Variants in MTMR7 observed in about 807,000 individuals in gnomAD.
MTMR7 encodes the protein phosphatidylinositol-3-phosphate phosphatase MTMR7.
MTMR7 carries 76 observed loss-of-function variants against 81.2 expected under a neutral mutation model. The observed-to-expected ratio is 0.94, with a 90% CI of 0.78 to 1.13. MTMR7 has a LOEUF of 1.13. Among genes scored for constraint, MTMR7 ranks in the 50% most tolerant of loss-of-function variants. MTMR7 has a pLI of 0.00. For missense variants in MTMR7, 1,044 were observed against 820.0 expected (o/e 1.27, Z -3.34); for synonymous variants, 372 against 289.8 (o/e 1.28, Z -2.88).
chr8:17,396,019 C>G (rs895720460), intron 1 of MTMR7, among the ~76,000 whole-genome samples: 8 of 151,610 alleles, frequency 5.3e-5, no homozygotes, highest in Admixed American at 6.6e-5. Context: ...ATTAAACTAC[C>G]GGAAATAAGT....
At chr8:17,314,419 A>T (rs1328549674) in intron 7 of MTMR7, among the ~76,000 whole-genome samples, 1 of 152,140 alleles carries the variant, frequency 6.6e-6, no homozygotes, top group Middle Eastern at 3.2e-3. Context: ...CAATTTCTTC[A>T]TTTTTAAAAT....
intron 1 of MTMR7, among the ~76,000 whole-genome samples, chr8:17,411,071 G>A (rs1411555547): frequency 6.6e-6 from 1 of 152,114 alleles, no homozygotes; most frequent in Non-Finnish European, 1.5e-5. Flanking sequence ...TGCAAGCTCT[G>A]TAAGTAATGT....
At chr8:17,362,867 G>C (rs969482884) in intron 3 of MTMR7, among the ~76,000 whole-genome samples, 1 of 152,122 alleles carries the variant, frequency 6.6e-6, no homozygotes. Context: ...TGAAAACTCA[G>C]GTTTCAAACT....
At chr8:17,330,889 A>T (rs1818964409) in intron 7 of MTMR7, among the ~76,000 whole-genome samples, 1 of 152,228 alleles carries the variant, frequency 6.6e-6, no homozygotes, top group East Asian at 1.9e-4. Context: ...AAACAAAAAC[A>T]TCCCTGTGCA....
rs141097946 is a variant in MTMR7 at position 17,353,979 on chromosome 8, C to T, written c.469-4898G>A. On this transcript the variant is annotated intron_variant, in intron 4 of 13. Coordinates refer to ENST00000180173, the MANE Select transcript of MTMR7 (RefSeq NM_004686.5). Reference sequence around the variant, plus strand: ...AGTTTTTGGCCTTGAAGATTTCACACTCCCAGGACAGCTGATCTTTGTTAA... The same window carrying T: ...AGTTTTTGGCCTTGAAGATTTCACATTCCCAGGACAGCTGATCTTTGTTAA... 3.3e-5 allele frequency among the ~76,000 whole-genome samples: 5 copies of T among 152,320 alleles called. No homozygotes were observed. The East Asian group carries it at 9.7e-4, about 29-fold the overall frequency.
Position 17,297,436 on chromosome 8 carries a change from G to GTAAAC in MTMR7, c.*2421_*2425dup, listed in dbSNP as rs1011275826. The GTAAAC allele has an allele frequency of 8.6e-5, 13 of 151,740 alleles. No homozygotes were observed. The highest frequency in any genetic ancestry group is 2.9e-4 in the African/African-American group (12 of 41,516). 9.4% of individuals were successfully genotyped at this position (151,740 alleles called of 1,614,324 possible). ...TCAGATTCATTTTTAGGAGAAGAAA[G>GTAAAC]TAAACTAATGTGCTCTTAAAGAATA... On this transcript the variant is annotated 3_prime_UTR_variant, in exon 14 of 14. Coordinates refer to ENST00000180173, the MANE Select transcript of MTMR7 (RefSeq NM_004686.5).
chr8:17,375,986 C>A (rs73666127), intron 1 of MTMR7, among the ~76,000 whole-genome samples: 3,813 of 152,256 alleles, frequency 0.025, 160 homozygotes, highest in African/African-American at 0.087. Flanking sequence ...ACACTGTATA[C>A]ACTGCCACTG....
intron 1 of MTMR7, among the ~76,000 whole-genome samples, chr8:17,395,574 C>T (rs558928935): frequency 6.6e-6 from 1 of 152,310 alleles, no homozygotes; most frequent in South Asian, 2.1e-4. Flanking sequence ...CAACCTTTGC[C>T]AACACTTGTT....
At chr8:17,335,912 C>G (rs13273707) in intron 6 of MTMR7, among the ~76,000 whole-genome samples, 21,907 of 152,186 alleles carry the variant, frequency 0.14, 2,011 homozygotes, top group Non-Finnish European at 0.21. Flanking sequence ...GTGTGGACTG[C>G]TGAGGGGTTT....
chr8:17,330,003 G>C (rs148983283), intron 7 of MTMR7, among the ~76,000 whole-genome samples: 2 of 152,314 alleles, frequency 1.3e-5, no homozygotes, highest in African/African-American at 2.4e-5. Flanking sequence ...AAGACCCATA[G>C]AAAGTATTGG....
chr8:17,351,709 C>T (rs1311525124), intron 4 of MTMR7, among the ~76,000 whole-genome samples: 1 of 152,212 alleles, frequency 6.6e-6, no homozygotes, highest in African/African-American at 2.4e-5. Flanking sequence ...GAAAAAGCTC[C>T]ATGGGTCACA....
At chr8:17,321,356 G>GCTCT (rs1188198889) in intron 7 of MTMR7, among the ~76,000 whole-genome samples, 2 of 152,180 alleles carry the variant, frequency 1.3e-5, no homozygotes, top group African/African-American at 4.8e-5. Flanking sequence ...GGCTGCTGTG[G>GCTCT]CTCTCACCAT....
intron 1 of MTMR7, among the ~76,000 whole-genome samples, chr8:17,388,411 A>T (rs182880891): frequency 9.2e-5 from 14 of 152,362 alleles, no homozygotes; most frequent in Non-Finnish European, 1.9e-4. Flanking sequence ...CCCAAAGAGT[A>T]AATGTATGGA....
chr8:17,346,857 T>TTCCTA (rs1819566726), intron 5 of MTMR7, among the ~76,000 whole-genome samples: 1 of 137,564 alleles, frequency 7.3e-6, no homozygotes, highest in Non-Finnish European at 1.5e-5. Context: ...ATCATGAAAC[T>TTCCTA]TCCTATCTCT....
intron 7 of MTMR7, among the ~76,000 whole-genome samples, chr8:17,318,140 A>G (rs761908574): frequency 2.0e-4 from 30 of 152,176 alleles, no homozygotes; most frequent in Non-Finnish European, 4.0e-4. Context: ...TGAGGAAAAC[A>G]AAAATCTCTC....
intron 4 of MTMR7, among the ~76,000 whole-genome samples, chr8:17,354,884 G>T: frequency 1.3e-5 from 2 of 152,150 alleles, no homozygotes; most frequent in Middle Eastern, 6.8e-3. Context: ...CTCCCATTTC[G>T]GTGATATTTG....
chr8:17,316,464 T>TAA (rs3040963), intron 7 of MTMR7, among the ~76,000 whole-genome samples: 4,024 of 143,476 alleles, frequency 0.028, 75 homozygotes, highest in Non-Finnish European at 0.04. Context: ...AACAGTACAG[T>TAA]AAAAAAAAAA....
At chr8:17,343,669 T>C (rs1370118375) in intron 5 of MTMR7, among the ~76,000 whole-genome samples, 1 of 152,240 alleles carries the variant, frequency 6.6e-6, no homozygotes, top group Non-Finnish European at 1.5e-5. Flanking sequence ...ACTGGAACTG[T>C]TATATACTGT....
rs1237573082 is a variant in MTMR7 at position 17,299,497 on chromosome 8, G to T, written c.*365C>A. 1 of 185,466 alleles carries T rather than the reference G, an allele frequency of 5.4e-6. No homozygotes were observed. The highest frequency in any genetic ancestry group is 1.3e-4 in the East Asian group (1 of 7,630). 11.5% of individuals were successfully genotyped at this position (185,466 alleles called of 1,614,324 possible). On this transcript the variant is annotated 3_prime_UTR_variant, in exon 14 of 14. Coordinates refer to ENST00000180173, the MANE Select transcript of MTMR7 (RefSeq NM_004686.5). ...AGAAGTGAACTAAAAGAATCATGAT[G>T]ATCACAGATGTGAGGGAAAGGAGTG... is the stretch of plus-strand genomic sequence containing the variant.
Sources: gnomAD v4.1 joint callset for allele counts (sites outside exome capture counted in the v4.1 genomes callset) on GRCh38, gnomAD v4.1.1 for gene constraint, MANE v1.5 for transcripts, NCBI Gene and HGNC (gene_info 2026-07-23, HGNC 2026-07-21) for gene names.